H2BC12: variants seen among roughly 807,000 people sequenced by gnomAD.
The protein encoded by H2BC12 is H2B clustered histone 12, also known as histone H2B type 1-K.
H2BC12 carries 6 observed loss-of-function variants against 6.3 expected under a neutral mutation model. The observed-to-expected ratio is 0.95, with a 90% confidence interval of 0.52 to 1.87. H2BC12 has a LOEUF of 1.87. Among genes scored for constraint, H2BC12 ranks in the 40% most tolerant of loss-of-function variants. The pLI is 0.01. For synonymous variants in H2BC12, 132 were observed against 78.5 expected (o/e 1.68, Z -3.60); for missense variants, 119 against 178.4 (o/e 0.67, Z 1.90).
chr6:27,144,694 T>G (rs1382267924), downstream of H2BC12, among the ~76,000 whole-genome samples: 1 of 152,174 alleles, frequency 6.6e-6, no homozygotes, highest in African/African-American at 2.4e-5. Flanking sequence ...TTTGTAAGTC[T>G]AAAGGTAATA....
At chr6:27,142,182 CAAGAT>C (rs1760013968), downstream of H2BC12, among the ~76,000 whole-genome samples, 1 of 152,114 alleles carries the variant, frequency 6.6e-6, no homozygotes, top group African/African-American at 2.4e-5. Context: ...AAAAAGAATA[CAAGAT>C]ATTTAATACA....
downstream of H2BC12, chr6:27,146,291 C>G (rs530057382): frequency 2.7e-6 from 4 of 1,468,332 alleles, no homozygotes; most frequent in Admixed American, 2.1e-5. Context: ...CATGATAATC[C>G]CTTTAAAAAG....
rs770329983 is a variant in H2BC12, at chr6:27,146,383, T to TA, written c.*34_*35insT. The TA allele has an allele frequency of 9.9e-6, 16 of 1,613,692 alleles. No individual in the cohort carries two copies. In the African/African-American group the frequency reaches 1.9e-4, roughly 19 times the overall value. ...ATTTAAGTGGCTCTTAAAAGAGCCT[T>TA]TGGGGTTGGGCTTTAAGACGCTTAC... On this transcript the variant is annotated 3_prime_UTR_variant, in exon 1 of 1. Coordinates refer to ENST00000356950, the MANE Select transcript of H2BC12 (RefSeq NM_001312653.2).
At chr6:27,139,759 A>G in the H2BC12 span, 1 of 1,355,578 alleles carries the variant, frequency 7.4e-7, no homozygotes, top group Admixed American at 2.9e-5. Context: ...CTATTTTACA[A>G]GATTAACTCG....
At chr6:27,138,853 AT>A in the H2BC12 span, 1 of 152,772 alleles carries the variant, frequency 6.5e-6, no homozygotes, top group Admixed American at 6.5e-5. Flanking sequence ...GAACTTAGCA[AT>A]ATACCTGAAC....
downstream of H2BC12, among the ~76,000 whole-genome samples, chr6:27,143,879 C>T (rs1436131527): frequency 2.8e-5 from 4 of 140,520 alleles, no homozygotes; most frequent in African/African-American, 1.1e-4. Context: ...ATTTATGAGA[C>T]AGGAGACAAT....
rs142147669 is a variant in H2BC12 at position 27,146,775 on chromosome 6, A to G, written c.24T>C (p.Ala8=). 209 of 1,613,904 alleles carry G rather than the reference A, an allele frequency of 1.3e-4. No homozygotes were observed. The highest frequency in any genetic ancestry group is 1.7e-4 in the Non-Finnish European group (203 of 1,180,012). MPEPAKS[A]PAPKKGSKKA... ...TCTTCGAGCCCTTCTTGGGCGCGGG[A>G]GCGGACTTCGCTGGTTCCGGCATGT... The change falls in exon 1 of 1, where the codon GCT becomes GCC. Residue 8 remains alanine (A), a synonymous_variant. Coordinates refer to ENST00000356950, the MANE Select transcript of H2BC12 (RefSeq NM_001312653.2).
downstream of H2BC12, among the ~76,000 whole-genome samples, chr6:27,145,293 A>AACACAC (rs573829681): frequency 2.2e-5 from 2 of 91,436 alleles, no homozygotes; most frequent in African/African-American, 1.0e-4. Context: ...AAATATGTTA[A>AACACAC]ATACACACAC....
At chr6:27,139,850 A>T in the H2BC12 span, 3 of 640,138 alleles carry the variant, frequency 4.7e-6, no homozygotes, top group South Asian at 3.1e-5. Context: ...CTGGCCAGTA[A>T]CTTCTGGCGG....
Position 27,146,844 on chromosome 6 carries a change from A to T in H2BC12, c.-46T>A, listed in dbSNP as rs760015122. Reference sequence around the variant, plus strand: ...CTGAGACGAGCAGCAGATCGAGAAAACGGGAAGTAATGGGAGCAAGGTACC... The same window carrying T: ...CTGAGACGAGCAGCAGATCGAGAAATCGGGAAGTAATGGGAGCAAGGTACC... On this transcript the variant is annotated 5_prime_UTR_variant, in exon 1 of 1. Coordinates refer to ENST00000356950, the MANE Select transcript of H2BC12 (RefSeq NM_001312653.2). The T allele has an allele frequency of 6.2e-7, 1 of 1,600,436 alleles. No homozygotes were observed. The highest frequency in any genetic ancestry group is 8.5e-7 in the Non-Finnish European group (1 of 1,173,694).
At position 27,146,377 on chromosome 6, in the gene H2BC12, G is replaced by C; in HGVS notation, c.*41C>G. 3 of 1,612,464 alleles carry C rather than the reference G, an allele frequency of 1.9e-6. No individual in the cohort carries two copies. The highest frequency in any genetic ancestry group is 1.7e-6 in the Non-Finnish European group (2 of 1,179,472). ...TCGATAATTTAAGTGGCTCTTAAAA[G>C]AGCCTTTGGGGTTGGGCTTTAAGAC... is the stretch of plus-strand genomic sequence containing the variant. On this transcript the variant is annotated 3_prime_UTR_variant, in exon 1 of 1. Coordinates refer to ENST00000356950, the MANE Select transcript of H2BC12 (RefSeq NM_001312653.2).
At position 27,146,685 on chromosome 6, in the gene H2BC12, G is replaced by A. The variant is rs534256683; in HGVS notation, c.114C>T (p.Tyr38=). ...KKRKRSRKES[Y]SVYVYKVLKQ... ...TCAGCACCTTGTACACGTATACGGA[G>A]TAGCTCTCCTTGCGGCTGCGCTTGC... Residue 38 remains tyrosine (Y), a synonymous_variant, in exon 1 of 1, where the codon TAC becomes TAT. Coordinates refer to ENST00000356950, the MANE Select transcript of H2BC12 (RefSeq NM_001312653.2). 5.1e-5 allele frequency: 82 copies of A among 1,614,154 alleles called. No homozygotes were observed. Among genetic ancestry groups the A allele is most frequent in the South Asian group, 4.4e-4 (40 of 91,094 alleles).
At chr6:27,143,303 C>T (rs2113648382), downstream of H2BC12, among the ~76,000 whole-genome samples, 1 of 152,092 alleles carries the variant, frequency 6.6e-6, no homozygotes, top group South Asian at 2.1e-4. Flanking sequence ...AGTGAGCTGA[C>T]ACAGTGCCAC....
chr6:27,144,459 CTGG>C (rs1194343474), downstream of H2BC12, among the ~76,000 whole-genome samples: 2 of 320 alleles, frequency 6.3e-3, no homozygotes, highest in African/African-American at 0.019. Context: ...GAGACTCTGT[CTGG>C]GGGGGGGGGG....
the H2BC12 span, chr6:27,139,780 T>C: frequency 8.1e-7 from 1 of 1,235,464 alleles, no homozygotes; most frequent in African/African-American, 1.5e-5. Flanking sequence ...ACGCCGAAAA[T>C]GGGCTGATGA....
At chr6:27,145,101 ATTAT>A (rs1283085088), downstream of H2BC12, among the ~76,000 whole-genome samples, 1 of 152,188 alleles carries the variant, frequency 6.6e-6, no homozygotes, top group African/African-American at 2.4e-5. Context: ...AATAAATATA[ATTAT>A]TTGTTGATAC....
At chr6:27,139,675 GC>G in the H2BC12 span, 1 of 1,539,126 alleles carries the variant, frequency 6.5e-7, no homozygotes, top group Non-Finnish European at 8.7e-7. Flanking sequence ...GGGCCCCTAA[GC>G]TTTCAACAAA....
chr6:27,143,846 TAAAAAAAAA>T (rs34292040), downstream of H2BC12, among the ~76,000 whole-genome samples: 60 of 113,586 alleles, frequency 5.3e-4, no homozygotes, highest in African/African-American at 1.9e-3. Context: ...AACTACTCTT[TAAAAAAAAA>T]AAAAAAAAAA....
chr6:27,142,636 CTTT>C (rs759784250), downstream of H2BC12, among the ~76,000 whole-genome samples: 23 of 100,278 alleles, frequency 2.3e-4, no homozygotes, highest in Admixed American at 2.2e-3. Flanking sequence ...TCCCCCCCTC[CTTT>C]TTTTTTTTTT....
Sources: gnomAD v4.1 joint callset for allele counts (sites outside exome capture counted in the v4.1 genomes callset) on GRCh38, gnomAD v4.1.1 for gene constraint, MANE v1.5 for transcripts, NCBI Gene and HGNC (gene_info 2026-07-23, HGNC 2026-07-21) for gene names.